Variants in CLTRN observed in about 807,000 individuals in gnomAD.
CLTRN encodes the protein collectrin.
CLTRN carries 12 observed loss-of-function variants against 14.5 expected under a neutral mutation model. The observed-to-expected ratio is 0.83, with a 90% CI of 0.53 to 1.34. The LOEUF is 1.34. Among genes scored for constraint, CLTRN ranks in the 40% most tolerant of loss-of-function variants. CLTRN has a pLI of 0.00. For missense variants in CLTRN, 154 were observed against 165.1 expected (o/e 0.93, Z 0.37); for synonymous variants, 58 against 56.5 (o/e 1.03, Z -0.12).
At chrX:15,632,060 A>G (rs1415417536) in intron 5 of CLTRN, among the ~76,000 whole-genome samples, 2 of 111,678 alleles carry the variant, frequency 1.8e-5, no homozygotes, top group Admixed American at 1.9e-4. Flanking sequence ...AAGAGGATGA[A>G]AAAACTGATT....
intron 3 of CLTRN, 126 bp from the exon 4 acceptor site, chrX:15,645,155 A>G (rs1343971027): frequency 5.3e-6 from 2 of 380,304 alleles, no homozygotes; most frequent in South Asian, 7.4e-5. Context: ...CATTTCTACC[A>G]TTATGAAGAA....
chrX:15,642,427 T>C (rs983733158), intron 4 of CLTRN, among the ~76,000 whole-genome samples: 1 of 112,665 alleles, frequency 8.9e-6, no homozygotes, highest in African/African-American at 3.2e-5. Flanking sequence ...TCCAGTACTC[T>C]TTTTTGCCCA....
chrX:15,656,367 T>G (rs1195343145), intron 3 of CLTRN, among the ~76,000 whole-genome samples: 1 of 112,314 alleles, frequency 8.9e-6, no homozygotes, highest in African/African-American at 3.2e-5. Flanking sequence ...AGTGAGACTA[T>G]TCATTATTCT....
chrX:15,642,557 G>A (rs771133510), intron 4 of CLTRN, among the ~76,000 whole-genome samples: 3 of 111,815 alleles, frequency 2.7e-5, no homozygotes, highest in Admixed American at 9.5e-5. Context: ...ACAAATTCAC[G>A]TGCTTCCTGG....
At chrX:15,668,515 C>T (rs757246861), upstream of CLTRN, among the ~76,000 whole-genome samples, 3 of 112,355 alleles carry the variant, frequency 2.7e-5, no homozygotes, top group South Asian at 7.2e-4. Flanking sequence ...TTAGATAAAA[C>T]ATTTTTTTAA....
rs184719541 is a variant in CLTRN, at chrX:15,643,637, T to C, written c.317+1279A>G. 3.9e-3 allele frequency among the ~76,000 whole-genome samples: 442 copies of C among 112,236 alleles called. 3 individuals carry two copies. The highest frequency in any genetic ancestry group is 4.9e-3 in the Admixed American group (52 of 10,595). On this transcript the variant is annotated intron_variant, in intron 4 of 5. Transcript: ENST00000380342. ...CTTACTCCCTAAGTGGTGAGAGTCT[T>C]AACAGTATTCTTAGTGGCCACAGTG...
At chrX:15,630,412 G>GA (rs1219472348) in intron 5 of CLTRN, among the ~76,000 whole-genome samples, 1 of 102,093 alleles carries the variant, frequency 9.8e-6, no homozygotes, top group Non-Finnish European at 2.0e-5. Context: ...AGGAAGGAAG[G>GA]AAGGGAATTT....
chrX:15,643,214 T>C (rs973621314), intron 4 of CLTRN, among the ~76,000 whole-genome samples: 3 of 112,527 alleles, frequency 2.7e-5, no homozygotes, highest in African/African-American at 9.7e-5. Flanking sequence ...TAGTATTATT[T>C]TGCCCAATCA....
At chrX:15,654,430 T>G (rs1458699182) in intron 3 of CLTRN, among the ~76,000 whole-genome samples, 3 of 112,644 alleles carry the variant, frequency 2.7e-5, no homozygotes, top group Non-Finnish European at 5.6e-5. Flanking sequence ...AGATTATAGC[T>G]TCCTTAGAAA....
chrX:15,641,407 AAC>A (rs1252400371), intron 4 of CLTRN, among the ~76,000 whole-genome samples: 1 of 112,293 alleles, frequency 8.9e-6, no homozygotes, highest in East Asian at 2.8e-4. Flanking sequence ...CACTAAAATA[AAC>A]AGATGAAACT....
intron 4 of CLTRN, among the ~76,000 whole-genome samples, chrX:15,641,736 C>A (rs1328249960): frequency 9.2e-6 from 1 of 108,753 alleles, no homozygotes; most frequent in Non-Finnish European, 1.9e-5. Context: ...TGTACAATGT[C>A]TTTGAAATTT....
chrX:15,649,483 C>A (rs1283699893), intron 3 of CLTRN, among the ~76,000 whole-genome samples: 1 of 111,930 alleles, frequency 8.9e-6, no homozygotes, highest in Non-Finnish European at 1.9e-5. Flanking sequence ...ACTCTAAAAA[C>A]AAAGTTTTTA....
At chrX:15,660,108 C>A (rs1194096357) in intron 2 of CLTRN, among the ~76,000 whole-genome samples, 1 of 111,164 alleles carries the variant, frequency 9.0e-6, no homozygotes, top group Non-Finnish European at 1.9e-5. Context: ...ATCACAAGGA[C>A]ATTGTCAGGA....
chrX:15,674,858 T>C (rs1343233370), intron 1 of CLTRN: 2 of 111,493 alleles, frequency 1.8e-5, no homozygotes, highest in African/African-American at 6.5e-5. Flanking sequence ...GAAGTGAAGG[T>C]AGGTAAGTGC....
At chrX:15,631,463 G>C (rs1928692950) in intron 5 of CLTRN, among the ~76,000 whole-genome samples, 1 of 111,954 alleles carries the variant, frequency 8.9e-6, no homozygotes, top group African/African-American at 3.2e-5. Context: ...TATGGAGTTA[G>C]AAGAAAAATA....
At chrX:15,652,637 GGTTT>G (rs982624807) in intron 3 of CLTRN, among the ~76,000 whole-genome samples, 1 of 111,407 alleles carries the variant, frequency 9.0e-6, no homozygotes, top group Non-Finnish European at 1.9e-5. Flanking sequence ...TTTTCTTCAA[GGTTT>G]GTTTTTTCTT....
intron 1 of CLTRN, among the ~76,000 whole-genome samples, chrX:15,669,917 TA>T (rs1169022591): frequency 1.8e-5 from 2 of 112,294 alleles, no homozygotes; most frequent in Non-Finnish European, 3.8e-5. Context: ...TGTGACACAT[TA>T]AAAGAAATCA....
At chrX:15,646,199 T>G (rs1929062465) in intron 3 of CLTRN, 1 of 202,067 alleles carries the variant, frequency 4.9e-6, no homozygotes, top group Admixed American at 6.4e-5. Context: ...CGCAAAGCTC[T>G]GGCCTGGCCG....
chrX:15,651,871 G>C (rs1424900484), intron 3 of CLTRN, among the ~76,000 whole-genome samples: 1 of 111,839 alleles, frequency 8.9e-6, no homozygotes, highest in Non-Finnish European at 1.9e-5. Context: ...AGAAAAGAGA[G>C]GCAGGGAGGG....
Sources: allele counts gnomAD v4.1 joint callset (sites outside exome capture counted in the v4.1 genomes callset), GRCh38; gene constraint gnomAD v4.1.1; transcripts MANE v1.5; gene names NCBI Gene and HGNC (gene_info 2026-07-23, HGNC 2026-07-21).